The following PLCZ1 variants were observed in gnomAD, a reference collection of about 807,000 sequenced individuals.
The protein encoded by PLCZ1 is 1-phosphatidylinositol 4,5-bisphosphate phosphodiesterase zeta-1.
Under a neutral mutation model 76.8 loss-of-function variants are expected in PLCZ1, and 64 were observed. The observed-to-expected ratio is 0.83, with a 90% CI of 0.68 to 1.03. PLCZ1 has a LOEUF of 1.03. Among genes scored for constraint, PLCZ1 ranks in the 50% least tolerant of loss-of-function variants. The pLI is 0.00. For missense variants in PLCZ1, 751 were observed against 713.7 expected (o/e 1.05, Z -0.60); for synonymous variants, 248 against 230.8 (o/e 1.07, Z -0.68).
chr12:18,725,580 G>A (rs533111067), intron 3 of PLCZ1, among the ~76,000 whole-genome samples: 1 of 152,160 alleles, frequency 6.6e-6, no homozygotes, highest in East Asian at 1.9e-4. Context: ...CCCTCTTAAA[G>A]TTCTCACTGT....
the PLCZ1 span, among the ~76,000 whole-genome samples, chr12:18,674,742 T>C: frequency 1.3e-5 from 2 of 152,130 alleles, no homozygotes; most frequent in Non-Finnish European, 1.5e-5. Flanking sequence ...ACTAACACGA[T>C]AGAGTGAAAG....
chr12:18,693,470 A>T lies in PLCZ1; in HGVS notation c.1461+1440T>A. The T allele has an allele frequency of 3.1e-6, 5 of 1,607,356 alleles. No individual in the cohort carries two copies. In the South Asian group the frequency reaches 5.5e-5, roughly 18 times the overall value. On this transcript the variant is annotated intron_variant, in intron 12 of 14. Transcript: ENST00000266505. ...TCTCTGTGGTCCACCTGGCACAGGT[A>T]AAACCTTGTTAGCCAAAGCAGTAGC...
At chr12:18,661,275 C>T in the PLCZ1 span, among the ~76,000 whole-genome samples, 2 of 151,916 alleles carry the variant, frequency 1.3e-5, 1 homozygote, top group South Asian at 4.2e-4. Context: ...TGATGAGATA[C>T]AAGAATTATA....
At chr12:18,714,052 A>G (rs1035359559) in intron 5 of PLCZ1, among the ~76,000 whole-genome samples, 1 of 152,182 alleles carries the variant, frequency 6.6e-6, no homozygotes, top group African/African-American at 2.4e-5. Context: ...GCAAATAGGG[A>G]TGTCTCAAAA....
the PLCZ1 span, among the ~76,000 whole-genome samples, chr12:18,666,525 A>G: frequency 2.6e-5 from 4 of 152,158 alleles, no homozygotes; most frequent in South Asian, 8.3e-4. Context: ...TAAGAAGATA[A>G]AACAATTATA....
intron 6 of PLCZ1, among the ~76,000 whole-genome samples, chr12:18,711,514 C>T (rs1387328246): frequency 7.3e-6 from 1 of 137,230 alleles, no homozygotes; most frequent in South Asian, 2.3e-4. Flanking sequence ...TGCACATGTA[C>T]CCTAAAACTT....
Position 18,695,076 on chromosome 12 carries a change from G to C in PLCZ1, c.1295C>G (p.Ala432Gly), listed in dbSNP as rs765395210. 1 of 1,612,104 alleles carries C rather than the reference G, an allele frequency of 6.2e-7. No individual in the cohort carries two copies. The highest frequency in any genetic ancestry group is 1.7e-5 in the Admixed American group (1 of 59,926). The change falls in exon 12 of 15, where the codon GCT (alanine) becomes GGT (glycine). Residue 432 changes from alanine (A) to glycine (G), a missense_variant. Ala to Gly is a moderately conservative substitution (Grantham distance 60). Coordinates refer to ENST00000266505, the MANE Select transcript of PLCZ1 (RefSeq NM_033123.4). The part of the protein sequence containing the change: ...EFWNIGCQMV[A>G]LNFQTPGLPM... ...CAGACCAGGGGTCTGGAAATTTAAAGCCACTGTAAGAAAGAAGTATTTTGA... is the reference window on the plus strand; with the variant it reads ...CAGACCAGGGGTCTGGAAATTTAAACCCACTGTAAGAAAGAAGTATTTTGA...
In PLCZ1 at chr12:18,696,247, G is replaced by T. The variant is rs769302749; in HGVS notation, c.1194C>A (p.His398Gln). The change falls in exon 11 of 15, where the codon CAC becomes CAA. Residue 398 changes from histidine to glutamine, a missense_variant. Transcript: ENST00000266505. Reference protein sequence around the residue: ...SKLRVHEFIFHTRKFITRIYP... With the variant: ...SKLRVHEFIFQTRKFITRIYP... ...ATATTCTGGTAATGAACTTCCTGGT[G>T]TGAAAAATAAACTCATGGACTGAAA... 6.3e-7 allele frequency: 1 copy of T among 1,580,738 alleles called. No individual in the cohort carries two copies. Among genetic ancestry groups the T allele is most frequent in the South Asian group, 1.1e-5 (1 of 89,616 alleles).
chr12:18,684,304 A>G, intron 13 of PLCZ1, 25 bp from the exon 14 acceptor site: 1 of 1,578,680 alleles, frequency 6.3e-7, no homozygotes, highest in Non-Finnish European at 8.7e-7. Context: ...AAGAAGATAC[A>G]AAGAATAATA....
chr12:18,647,046 G>A, the PLCZ1 span, among the ~76,000 whole-genome samples: 18 of 151,624 alleles, frequency 1.2e-4, no homozygotes, highest in African/African-American at 4.4e-4. Context: ...GTCTCCCAAT[G>A]GTGAAAATTC....
the PLCZ1 span, among the ~76,000 whole-genome samples, chr12:18,670,865 A>G: frequency 2.4e-4 from 37 of 152,142 alleles, no homozygotes; most frequent in Admixed American, 3.9e-4. Context: ...GAAGCTTTCA[A>G]TTGGAAAAAT....
In PLCZ1 at chr12:18,712,884, C is replaced by T. The variant is rs1957508848; in HGVS notation, c.672G>A (p.Leu224=). The T allele has an allele frequency of 6.2e-6, 10 of 1,613,780 alleles. No individual in the cohort carries two copies. The highest frequency in any genetic ancestry group is 8.5e-6 in the Non-Finnish European group (10 of 1,179,842). ...YHGYTLTSKL[L]FKTVIQAIHK... is the part of the protein sequence containing the mutation. ...GTATAGCTTGGATAACAGTTTTAAA[C>T]AGAAGTTTGCTTGTGAGTGTGTAGC... Residue 224 remains leucine (L), a synonymous_variant, in exon 6 of 15, where the codon CTG becomes CTA. Transcript: ENST00000266505.
chr12:18,688,345 G>A, intron 12 of PLCZ1, 127 bp from the exon 13 acceptor site: 1 of 932,428 alleles, frequency 1.1e-6, no homozygotes, highest in East Asian at 2.6e-5. Flanking sequence ...AACATTGAAA[G>A]TGGAATACAA....
At chr12:18,691,190 A>T (rs1449520025) in intron 12 of PLCZ1, among the ~76,000 whole-genome samples, 1 of 152,116 alleles carries the variant, frequency 6.6e-6, no homozygotes, top group African/African-American at 2.4e-5. Flanking sequence ...TGTGAAGGAG[A>T]TGTGAAAGAT....
At chr12:18,649,031 G>A in the PLCZ1 span, among the ~76,000 whole-genome samples, 6 of 152,010 alleles carry the variant, frequency 3.9e-5, no homozygotes, top group Non-Finnish European at 7.4e-5. Context: ...TTGAGTATGT[G>A]ATATGAGCTG....
the PLCZ1 span, chr12:18,647,734 A>G: frequency 2.5e-6 from 1 of 400,980 alleles, no homozygotes; most frequent in Non-Finnish European, 4.3e-6. Context: ...TAAAAGTTAG[A>G]AATAAAAGAG....
downstream of PLCZ1, among the ~76,000 whole-genome samples, chr12:18,678,648 T>C (rs1299177523): frequency 6.6e-6 from 1 of 152,076 alleles, no homozygotes; most frequent in Non-Finnish European, 1.5e-5. Flanking sequence ...ATTTTAATCA[T>C]TTTGATTCAT....
intron 5 of PLCZ1, among the ~76,000 whole-genome samples, chr12:18,716,990 A>G (rs16914528): frequency 0.035 from 5,357 of 152,264 alleles, 128 homozygotes; most frequent in East Asian, 0.055. Flanking sequence ...GAAAGGGAAG[A>G]AATATGAGCA....
chr12:18,695,050 G>T lies in PLCZ1; in HGVS notation c.1321C>A (p.Pro441Thr). The T allele has an allele frequency of 6.2e-7, 1 of 1,613,050 alleles. No individual in the cohort carries two copies. The highest frequency in any genetic ancestry group is 1.1e-5 in the South Asian group (1 of 91,046). ...AATTTCCCATTTTGCAGATCCATGG[G>T]CAGACCAGGGGTCTGGAAATTTAAA... ...VALNFQTPGLPMDLQNGKFLD... is the reference protein window; with the variant it reads ...VALNFQTPGLTMDLQNGKFLD... The change falls in exon 12 of 15, where the codon CCC becomes ACC. Residue 441 changes from proline (P) to threonine (T), a missense_variant. Physicochemically the swap from Pro to Thr is conservative, Grantham distance 38. Transcript: ENST00000266505.
Sources: gnomAD v4.1 joint callset for allele counts (sites outside exome capture counted in the v4.1 genomes callset) on GRCh38, gnomAD v4.1.1 for gene constraint, MANE v1.5 for transcripts, NCBI Gene and HGNC (gene_info 2026-07-23, HGNC 2026-07-21) for gene names.